Variants in PDSS2 observed in about 807,000 individuals in gnomAD.
PDSS2 encodes the protein decaprenyl diphosphate synthase subunit 2, also known as all trans-polyprenyl-diphosphate synthase PDSS2.
A neutral mutation model predicts 44.5 loss-of-function variants in PDSS2; 31 were observed. The observed-to-expected ratio is 0.70, with a 90% CI of 0.52 to 0.94. PDSS2 has a LOEUF of 0.94. PDSS2 is among the 40% of genes least tolerant of loss of function. The pLI, the probability that PDSS2 is intolerant of heterozygous loss-of-function variation, is 0.00. For missense variants in PDSS2, 452 were observed against 482.2 expected, an observed-to-expected ratio of 0.94 and a Z score of 0.59; for synonymous variants, 157 against 180.3, an observed-to-expected ratio of 0.87 and a Z score of 1.03.
At chr6:107,388,997 A>T (rs1779699322) in intron 1 of PDSS2, among the ~76,000 whole-genome samples, 2 of 152,212 alleles carry the variant, frequency 1.3e-5, no homozygotes, top group African/African-American at 4.8e-5. Context: ...ATACTGTATG[A>T]TTTTATTCAT....
At chr6:107,159,102 C>T (rs1233956891) in intron 7 of PDSS2, among the ~76,000 whole-genome samples, 1 of 152,108 alleles carries the variant, frequency 6.6e-6, no homozygotes, top group Non-Finnish European at 1.5e-5. Flanking sequence ...CATAACACTG[C>T]ACAGAGTGCC....
intron 1 of PDSS2, among the ~76,000 whole-genome samples, chr6:107,342,104 G>A (rs903758735): frequency 3.3e-5 from 5 of 151,810 alleles, no homozygotes; most frequent in African/African-American, 9.7e-5. Flanking sequence ...AGGACTCCCT[G>A]GCAAGGTTGT....
intron 2 of PDSS2, among the ~76,000 whole-genome samples, chr6:107,305,462 C>G (rs1445637222): frequency 1.3e-5 from 2 of 152,144 alleles, no homozygotes; most frequent in Non-Finnish European, 2.9e-5. Flanking sequence ...TAAGAAAGCT[C>G]TGATTTTGAA....
intron 2 of PDSS2, among the ~76,000 whole-genome samples, chr6:107,297,089 G>T (rs1776532430): frequency 6.6e-6 from 1 of 152,142 alleles, no homozygotes; most frequent in Admixed American, 6.5e-5. Flanking sequence ...CATCAGATGG[G>T]CACTGCAGCA....
intron 1 of PDSS2, among the ~76,000 whole-genome samples, chr6:107,438,803 G>A (rs1208742777): frequency 6.6e-6 from 1 of 152,156 alleles, no homozygotes; most frequent in Non-Finnish European, 1.5e-5. Flanking sequence ...GAATACCACA[G>A]GTTCATCAGT....
Position 107,306,619 on chromosome 6 carries a change from T to C in PDSS2, c.431+27579A>G, listed in dbSNP as rs569849679. The stretch of plus-strand genomic sequence containing the variant: ...ATCAGATCCTTTTATGATGCTGGAA[T>C]GCATATGTTCCAGAAATTATAATTT... On this transcript the variant is annotated intron_variant, in intron 2 of 7. Transcript: ENST00000369037. Among the ~76,000 whole-genome samples, 26 of 152,342 alleles carry C rather than the reference T, an allele frequency of 1.7e-4. No individual in the cohort carries two copies. In the South Asian group the frequency reaches 5.2e-3, roughly 30 times the overall value.
chr6:107,293,262 G>A (rs1057226020), intron 2 of PDSS2, among the ~76,000 whole-genome samples: 2 of 152,152 alleles, frequency 1.3e-5, no homozygotes, highest in African/African-American at 4.8e-5. Context: ...ATCCTGAGGA[G>A]ATCAGACCTG....
At chr6:107,207,777 C>T (rs1285978526) in intron 6 of PDSS2, among the ~76,000 whole-genome samples, 2 of 149,498 alleles carry the variant, frequency 1.3e-5, no homozygotes, top group Admixed American at 6.6e-5. Context: ...GCCTGGCTAA[C>T]TTTTGTATTT....
chr6:107,237,322 C>T (rs150238395), intron 4 of PDSS2, among the ~76,000 whole-genome samples: 4,743 of 151,956 alleles, frequency 0.031, 232 homozygotes, highest in East Asian at 0.2. Flanking sequence ...TGGCTCAGTG[C>T]AACCTCCATC....
chr6:107,166,773 TTA>T (rs1387071953), intron 7 of PDSS2, among the ~76,000 whole-genome samples: 1 of 152,166 alleles, frequency 6.6e-6, no homozygotes, highest in Non-Finnish European at 1.5e-5. Flanking sequence ...ATATGCTGGA[TTA>T]TGTTTATTGA....
intron 1 of PDSS2, among the ~76,000 whole-genome samples, chr6:107,379,494 G>A (rs1256067896): frequency 1.3e-5 from 2 of 152,176 alleles, no homozygotes; most frequent in Admixed American, 1.3e-4. Flanking sequence ...TATACTGAGA[G>A]TGATGAGTTA....
At chr6:107,358,892 T>G (rs990191689) in intron 1 of PDSS2, among the ~76,000 whole-genome samples, 5 of 152,102 alleles carry the variant, frequency 3.3e-5, no homozygotes, top group Non-Finnish European at 7.4e-5. Context: ...AAAACTGCCT[T>G]TGGTTGAAAA....
Position 107,459,348 on chromosome 6 carries a change from G to T in PDSS2, c.-63C>A. 7.2e-7 allele frequency: 1 copy of T among 1,396,818 alleles called. No homozygotes were observed. The highest frequency in any genetic ancestry group is 1.2e-5 in the South Asian group (1 of 86,408). 86.5% of individuals were successfully genotyped at this position (1,396,818 alleles called of 1,614,324 possible). On this transcript the variant is annotated 5_prime_UTR_variant, in exon 1 of 8. The change creates a new upstream start codon in the 5' untranslated region. Transcript: ENST00000369037. The surrounding 1 kb of genome is among the most constrained non-coding windows in gnomAD (Gnocchi z 4.3). ...CAGAAGTGCCGCGGGAAACAAACCA[G>T]GGGCAGAGGAGGAACTTACAGTAAC...
chr6:107,424,655 C>A (rs319097), intron 1 of PDSS2, among the ~76,000 whole-genome samples: 57,310 of 151,980 alleles, frequency 0.38, 13,285 homozygotes, highest in Middle Eastern at 0.64. Flanking sequence ...CTTCCTGCAG[C>A]AAAAATTATT....
At chr6:107,298,373 T>C (rs746997365) in intron 2 of PDSS2, among the ~76,000 whole-genome samples, 2 of 152,170 alleles carry the variant, frequency 1.3e-5, no homozygotes, top group African/African-American at 2.4e-5. Flanking sequence ...ACTATTTACA[T>C]AGCATCTACA....
intron 3 of PDSS2, among the ~76,000 whole-genome samples, chr6:107,252,898 A>C (rs937376113): frequency 6.6e-6 from 1 of 152,242 alleles, no homozygotes; most frequent in Non-Finnish European, 1.5e-5. Context: ...TTTCATGAAC[A>C]GTTTGATATC....
intron 1 of PDSS2, among the ~76,000 whole-genome samples, chr6:107,409,207 C>T (rs564611211): frequency 5.9e-5 from 9 of 152,296 alleles, no homozygotes; most frequent in Non-Finnish European, 1.3e-4. Flanking sequence ...CTAAAAATCA[C>T]ATGATTCACA....
chr6:107,169,861 G>A (rs782292567), intron 7 of PDSS2, among the ~76,000 whole-genome samples: 21 of 152,234 alleles, frequency 1.4e-4, no homozygotes, highest in South Asian at 4.2e-4. Flanking sequence ...AGGGGTACCC[G>A]GCCGTGTGAG....
intron 1 of PDSS2, among the ~76,000 whole-genome samples, chr6:107,446,754 A>G (rs905484872): frequency 5.9e-5 from 9 of 152,176 alleles, no homozygotes; most frequent in African/African-American, 2.2e-4. Context: ...AGATCTCATG[A>G]GAACTCACTC....
Sources: gnomAD v4.1 joint callset for allele counts (sites outside exome capture counted in the v4.1 genomes callset) on GRCh38, gnomAD v4.1.1 for gene constraint, Gnocchi (gnomAD v3.1) non-coding constraint, MANE v1.5 for transcripts, NCBI Gene and HGNC (gene_info 2026-07-23, HGNC 2026-07-21) for gene names.